VPS13A: variants seen among roughly 807,000 people sequenced by gnomAD.
VPS13A encodes vacuolar protein sorting 13 homolog A.
VPS13A carries 264 observed loss-of-function variants against 390.9 expected under a neutral mutation model. That is an observed-to-expected ratio of 0.68 (90% CI 0.61 to 0.75). The LOEUF is 0.75. VPS13A is among the 30% of genes least tolerant of loss of function. VPS13A has a pLI of 0.00. For missense variants in VPS13A, 3,409 were observed against 3,733.9 expected (o/e 0.91, Z 2.27); for synonymous variants, 1,231 against 1,227.1 (o/e 1.00, Z -0.07).
intron 1 of VPS13A, among the ~76,000 whole-genome samples, chr9:77,193,072 G>A (rs937034730): frequency 6.6e-6 from 1 of 151,884 alleles, no homozygotes; most frequent in East Asian, 1.9e-4. Flanking sequence ...TGTCTGAGTT[G>A]ATACTGAAGA....
intron 1 of VPS13A, among the ~76,000 whole-genome samples, chr9:77,178,676 TAGTG>T (rs1823811798): frequency 6.6e-6 from 1 of 152,192 alleles, no homozygotes; most frequent in Non-Finnish European, 1.5e-5. Context: ...TATTCTGCCT[TAGTG>T]AGAGCCTCAT....
chr9:77,279,442 T>C (rs1405316798), intron 26 of VPS13A, among the ~76,000 whole-genome samples: 1 of 152,098 alleles, frequency 6.6e-6, no homozygotes, highest in Non-Finnish European at 1.5e-5. Context: ...TCCTCTGCTC[T>C]TCTCAATGCT....
intron 23 of VPS13A, among the ~76,000 whole-genome samples, chr9:77,269,604 A>G (rs1372609245): frequency 6.6e-6 from 1 of 152,220 alleles, no homozygotes; most frequent in African/African-American, 2.4e-5. Context: ...TTAATTTGGG[A>G]GAATTAACAT....
chr9:77,246,974 C>CT (rs896184528), intron 19 of VPS13A, among the ~76,000 whole-genome samples: 1 of 151,206 alleles, frequency 6.6e-6, no homozygotes, highest in South Asian at 2.1e-4. Flanking sequence ...GCCACTGAAA[C>CT]TTTTTTTTTG....
intron 2 of VPS13A, among the ~76,000 whole-genome samples, 156 bp from the exon 3 acceptor site, chr9:77,201,209 A>G (rs373128010): frequency 3.0e-4 from 46 of 152,122 alleles, no homozygotes; most frequent in Non-Finnish European, 8.8e-5. Flanking sequence ...TATTGCAGTT[A>G]TATGTTTATA....
At chr9:77,194,880 C>T (rs1342826195) in intron 1 of VPS13A, among the ~76,000 whole-genome samples, 1 of 152,078 alleles carries the variant, frequency 6.6e-6, no homozygotes, top group Non-Finnish European at 1.5e-5. Flanking sequence ...GAAGCTCTTC[C>T]TGACTCTGTG....
Position 77,303,013 on chromosome 9 carries a change from A to G in VPS13A, c.3911A>G (p.Tyr1304Cys), listed in dbSNP as rs1828471748. 1 of 1,613,922 alleles carries G rather than the reference A, an allele frequency of 6.2e-7. No individual in the cohort carries two copies. Among genetic ancestry groups the G allele is most frequent in the African/African-American group, 1.3e-5 (1 of 74,918 alleles). Residue 1304 changes from tyrosine (Y) to cysteine (C), a missense_variant, in exon 34 of 72, where the codon TAC becomes TGC. This residue lies in a region of VPS13A where 2,717 missense variants were observed against 2,917.4 expected (regional missense o/e 0.93). Transcript: ENST00000360280. ...GAACGAAATTTATGCTGGGAGTGGT[A>G]CCAGGAAGTTCCTTGTTTTAATGTA... ...VVERNLCWEW[Y>C]QEVPCFNVNA...
intron 1 of VPS13A, among the ~76,000 whole-genome samples, chr9:77,198,147 T>C (rs947820444): frequency 1.2e-4 from 19 of 152,210 alleles, no homozygotes; most frequent in African/African-American, 4.6e-4. Context: ...GTACTGTATT[T>C]ATTTATTTTT....
In VPS13A at chr9:77,189,132, CTTTTTTTT is replaced by C. The variant is rs542812911; in HGVS notation, c.101-10802_101-10795del. 3.6e-5 allele frequency among the ~76,000 whole-genome samples: 4 copies of C among 112,174 alleles called. No homozygotes were observed. In the East Asian group the frequency reaches 7.8e-4, roughly 22 times the overall value. 73.6% of individuals were successfully genotyped at this position (112,174 alleles called of 152,430 possible). On this transcript the variant is annotated intron_variant, in intron 1 of 71. Transcript: ENST00000360280. ...TTTAGTTTAATTAGGTCCCACTTGC[CTTTTTTTT>C]TTTTTTTTTTGTAGTTCTGGAATTT...
At chr9:77,243,362 T>C (rs903107538) in intron 19 of VPS13A, among the ~76,000 whole-genome samples, 1 of 152,150 alleles carries the variant, frequency 6.6e-6, no homozygotes, top group Non-Finnish European at 1.5e-5. Context: ...TTGAGGATCA[T>C]GTTATTGTGG....
At chr9:77,293,085 GAAAA>G (rs1331287974) in intron 31 of VPS13A, among the ~76,000 whole-genome samples, 2 of 149,644 alleles carry the variant, frequency 1.3e-5, no homozygotes, top group African/African-American at 4.9e-5. Context: ...AAAAAAAAAA[GAAAA>G]AAAGCTGGAG....
intron 19 of VPS13A, among the ~76,000 whole-genome samples, chr9:77,241,938 C>G (rs1824523457): frequency 6.6e-6 from 1 of 152,088 alleles, no homozygotes; most frequent in South Asian, 2.1e-4. Context: ...CACAATTATT[C>G]TTTCTTTGAG....
chr9:77,307,197 A>T (rs1287346783), intron 34 of VPS13A, among the ~76,000 whole-genome samples: 2 of 152,074 alleles, frequency 1.3e-5, no homozygotes, highest in African/African-American at 4.8e-5. Context: ...GACCCATCAC[A>T]CCTGGCCTGA....
At chr9:77,384,906 C>CTT in intron 68 of VPS13A, 5 of 1,368,814 alleles carry the variant, frequency 3.7e-6, no homozygotes, top group Non-Finnish European at 4.7e-6. Flanking sequence ...TATAGATTTG[C>CTT]TTTTATATAT....
chr9:77,357,571 T>C (rs1831882753), intron 55 of VPS13A, 121 bp from the exon 56 acceptor site: 1 of 1,007,128 alleles, frequency 9.9e-7, no homozygotes, highest in Admixed American at 2.6e-5. Context: ...GATATTAAGA[T>C]CTAAATCTAA....
rs539271012 is a variant in VPS13A at position 77,411,636 on chromosome 9, C to A, written c.9474+4029C>A. Among the ~76,000 whole-genome samples, 6 of 108,270 alleles carry A rather than the reference C, an allele frequency of 5.5e-5. No homozygotes were observed. The East Asian group carries it at 1.8e-3, about 32-fold the overall frequency. The allele number at this position is 108,270 out of a possible 152,430, so 71.0% of individuals were successfully genotyped here. Reference sequence around the variant, plus strand: ...CGAGATGGCGCCACTGCACTCCAGCCTAGGCAACAGCAAAACTCCATCTCA... The same window carrying A: ...CGAGATGGCGCCACTGCACTCCAGCATAGGCAACAGCAAAACTCCATCTCA... On this transcript the variant is annotated intron_variant, in intron 71 of 71. Coordinates refer to ENST00000360280, the MANE Select transcript of VPS13A (RefSeq NM_033305.3).
chr9:77,307,938 T>TC lies in VPS13A; in HGVS notation c.3961-7_3961-6insC, dbSNP rs1587545584. The TC allele has an allele frequency of 7.6e-6, 12 of 1,579,578 alleles. No homozygotes were observed. In the East Asian group the frequency reaches 2.7e-4, roughly 35 times the overall value. On this transcript the variant is annotated splice_polypyrimidine_tract_variant and splice_region_variant and intron_variant, in intron 34 of 71. Transcript: ENST00000360280. The stretch of plus-strand genomic sequence containing the variant: ...GCTAAAAAGAACAAATCTTTTTTTT[T>TC]TAACAGTTCATTCTTAGTCAAGAAG...
At chr9:77,399,698 GAATAA>G (rs1471992851) in intron 68 of VPS13A, among the ~76,000 whole-genome samples, 1 of 152,080 alleles carries the variant, frequency 6.6e-6, no homozygotes, top group Non-Finnish European at 1.5e-5. Flanking sequence ...AACTGAAACA[GAATAA>G]AAGAATGTAA....
At chr9:77,231,257 G>A (rs568552979) in intron 17 of VPS13A, among the ~76,000 whole-genome samples, 1 of 152,140 alleles carries the variant, frequency 6.6e-6, no homozygotes, top group African/African-American at 2.4e-5. Flanking sequence ...AGAACCTCCA[G>A]TAGTATTTTA....
Sources: gnomAD v4.1 joint callset for allele counts (sites outside exome capture counted in the v4.1 genomes callset) on GRCh38, gnomAD v4.1.1 for gene constraint, gnomAD v4.1.1 regional missense constraint, MANE v1.5 for transcripts, NCBI Gene and HGNC (gene_info 2026-07-23, HGNC 2026-07-21) for gene names.